CCNI: variants seen among roughly 807,000 people sequenced by gnomAD.
CCNI encodes the protein cyclin-I.
Under a neutral mutation model 34.1 loss-of-function variants are expected in CCNI, and 14 were observed. That is an observed-to-expected ratio of 0.41 (90% CI 0.27 to 0.64). The LOEUF (loss-of-function observed/expected upper bound fraction) is 0.64. CCNI is among the 30% of genes least tolerant of loss of function. The pLI is 0.31. For missense variants in CCNI, 385 were observed against 440.5 expected (o/e 0.87, Z 1.13); for synonymous variants, 154 against 158.4 (o/e 0.97, Z 0.21).
intron 3 of CCNI, chr4:77,056,558 T>C: frequency 4.2e-6 from 2 of 473,676 alleles, no homozygotes; most frequent in Non-Finnish European, 7.6e-6. Context: ...GAAAGTACAC[T>C]TGCAAGATCA....
At chr4:77,062,416 T>G (rs766717138) in intron 2 of CCNI, among the ~76,000 whole-genome samples, 1 of 152,104 alleles carries the variant, frequency 6.6e-6, no homozygotes, top group Non-Finnish European at 1.5e-5. Flanking sequence ...ATAAAAAAAT[T>G]AGGCATGGTG....
chr4:77,075,324 G>A (rs1729828223), intron 1 of CCNI, 148 bp downstream of exon 1: 1 of 165,586 alleles, frequency 6.0e-6, no homozygotes, highest in South Asian at 2.0e-4. Context: ...TCCCCGGGCT[G>A]GGGGATGCGG....
intron 2 of CCNI, among the ~76,000 whole-genome samples, chr4:77,065,667 A>C (rs1384066590): frequency 6.6e-6 from 1 of 152,258 alleles, no homozygotes; most frequent in Non-Finnish European, 1.5e-5. Context: ...TACTACTGTT[A>C]GTATAGATTA....
At chr4:77,058,420 A>G in intron 3 of CCNI, 87 bp downstream of exon 3, 1 of 1,040,666 alleles carries the variant, frequency 9.6e-7, no homozygotes, top group Non-Finnish European at 1.4e-6. Flanking sequence ...ACTTCTTTCT[A>G]CCTTACAGAA....
chr4:77,074,650 A>C (rs148892392), intron 1 of CCNI: 2 of 152,234 alleles, frequency 1.3e-5, no homozygotes, highest in Non-Finnish European at 2.9e-5. Context: ...AATGCCTGGC[A>C]GATAATAAGC....
chr4:77,048,292 C>T lies in CCNI; in HGVS notation c.1061G>A (p.Cys354Tyr). Residue 354 changes from cysteine (C) to tyrosine (Y), a missense_variant, in exon 7 of 7, where the codon TGT (cysteine) becomes TAT (tyrosine). Around this residue, in one of 2 missense-constraint regions of CCNI, gnomAD observed 250 missense variants for 248.7 expected, o/e 1.01. Transcript: ENST00000237654. ...DNVSENVGSVCGTDLSRQEGH... is the reference protein window; with the variant it reads ...DNVSENVGSVYGTDLSRQEGH... ...CTCTTGTCTTGATAAATCAGTGCCACACACAGAACCCACATTTTCTGAGAC... is the reference window on the plus strand; with the variant it reads ...CTCTTGTCTTGATAAATCAGTGCCATACACAGAACCCACATTTTCTGAGAC... 1 of 1,614,150 alleles carries T rather than the reference C, an allele frequency of 6.2e-7. No individual in the cohort carries two copies. The highest frequency in any genetic ancestry group is 8.5e-7 in the Non-Finnish European group (1 of 1,180,018).
chr4:77,047,589 A>C lies in CCNI; in HGVS notation c.*630T>G, dbSNP rs1467261315. The C allele has an allele frequency of 6.6e-6, 1 of 152,272 alleles. No homozygotes were observed. Among genetic ancestry groups the C allele is most frequent in the Admixed American group, 6.5e-5 (1 of 15,288 alleles). The allele number at this position is 152,272 out of a possible 1,614,324, so 9.4% of individuals were successfully genotyped here. A position where few individuals can be genotyped will look rare whatever the true frequency, so the allele number is the denominator to read the frequency against. ...CACTTTTAAGCATCACTTTAAGGTA[A>C]ACAAAAATGAAAACCATAATTTTAA... On this transcript the variant is annotated 3_prime_UTR_variant, in exon 7 of 7. Coordinates refer to ENST00000237654, the MANE Select transcript of CCNI (RefSeq NM_006835.3).
rs1235285080 is a variant in CCNI, at chr4:77,075,462, C to CGCCCCT, written c.-44+4_-44+9dup. On this transcript the variant is annotated intron_variant, in intron 1 of 6. Coordinates refer to ENST00000237654, the MANE Select transcript of CCNI (RefSeq NM_006835.3). ...CGCGTCGAGCCCCCGCCCCCGCCCC[C>CGCCCCT]GCCCCTCACCTTCTCCTCCTCTTCC... 35 of 814,196 alleles carry CGCCCCT rather than the reference C, an allele frequency of 4.3e-5. No individual in the cohort carries two copies. In the African/African-American group the frequency reaches 4.9e-4, roughly 11 times the overall value. 50.4% of individuals were successfully genotyped at this position (814,196 alleles called of 1,614,324 possible).
chr4:77,066,938 A>G (rs1729072901), intron 1 of CCNI, among the ~76,000 whole-genome samples: 1 of 152,216 alleles, frequency 6.6e-6, no homozygotes, highest in African/African-American at 2.4e-5. Flanking sequence ...TGAGCTGAAT[A>G]AAATTTAAAA....
intron 6 of CCNI, among the ~76,000 whole-genome samples, chr4:77,054,257 T>C (rs1327855267): frequency 5.3e-5 from 8 of 152,228 alleles, no homozygotes; most frequent in Admixed American, 5.2e-4. Context: ...GCTCAATAAC[T>C]GCAGTTCTTT....
intron 1 of CCNI, among the ~76,000 whole-genome samples, chr4:77,069,153 C>T (rs1033616727): frequency 5.9e-5 from 9 of 152,168 alleles, no homozygotes; most frequent in South Asian, 2.1e-4. Context: ...GCAGCGGCTC[C>T]GGCCTGTAAT....
chr4:77,056,412 A>G (rs1411205723), intron 3 of CCNI, 89 bp from the exon 4 acceptor site: 4 of 868,814 alleles, frequency 4.6e-6, no homozygotes, highest in Admixed American at 1.9e-5. Context: ...CTAGATATGC[A>G]GATGAGACAG....
At chr4:77,061,170 A>C (rs1277935988) in intron 2 of CCNI, among the ~76,000 whole-genome samples, 3 of 152,218 alleles carry the variant, frequency 2.0e-5, no homozygotes, top group Admixed American at 6.5e-5. Context: ...TCCAAAAGAT[A>C]ACAGTTTAAG....
intron 2 of CCNI, among the ~76,000 whole-genome samples, chr4:77,061,352 G>C (rs1560777392): frequency 6.6e-6 from 1 of 152,080 alleles, no homozygotes; most frequent in Non-Finnish European, 1.5e-5. Context: ...AAAAGAAAAA[G>C]CCCAAAACAG....
chr4:77,067,595 A>C (rs1215659897), intron 1 of CCNI, among the ~76,000 whole-genome samples: 4 of 151,182 alleles, frequency 2.6e-5, no homozygotes, highest in Admixed American at 2.6e-4. Flanking sequence ...GGTTCAGGTG[A>C]TCCTCCTGCC....
chr4:77,048,264 T>C lies in CCNI; in HGVS notation c.1089A>G (p.Gly363=). 7 of 1,614,120 alleles carry C rather than the reference T, an allele frequency of 4.3e-6. No homozygotes were observed. Among genetic ancestry groups the C allele is most frequent in the Non-Finnish European group, 5.9e-6 (7 of 1,180,006 alleles). ...VCGTDLSRQE[G]HASPCPPLQP... Reference sequence around the variant, plus strand: ...GCAAAGGTGGACAAGGGGAAGCATGTCCCTCTTGTCTTGATAAATCAGTGC... The same window carrying C: ...GCAAAGGTGGACAAGGGGAAGCATGCCCCTCTTGTCTTGATAAATCAGTGC... Residue 363 remains glycine, a synonymous_variant, in exon 7 of 7, where the codon GGA becomes GGG. Transcript: ENST00000237654.
At chr4:77,072,297 G>A (rs1260118426) in intron 1 of CCNI, among the ~76,000 whole-genome samples, 2 of 151,548 alleles carry the variant, frequency 1.3e-5, no homozygotes, top group African/African-American at 2.4e-5. Context: ...AAAGTAAAAC[G>A]AGGTAAAATT....
rs1728400473 is a variant in CCNI at position 77,058,647 on chromosome 4, C to T, written c.115-12G>A. On this transcript the variant is annotated splice_polypyrimidine_tract_variant and intron_variant, in intron 2 of 6. Transcript: ENST00000237654. The stretch of plus-strand genomic sequence containing the variant: ...GATGGAGAAACATTCTATAAGGGAA[C>T]AATTTTGAAAACAGAAGACAAAGTT... 1 of 1,607,112 alleles carries T rather than the reference C, an allele frequency of 6.2e-7. No homozygotes were observed. The highest frequency in any genetic ancestry group is 1.7e-4 in the Middle Eastern group (1 of 6,040).
Position 77,075,613 on chromosome 4 carries a change from T to G in CCNI, c.-185A>C. On this transcript the variant is annotated 5_prime_UTR_variant, in exon 1 of 7. Coordinates refer to ENST00000237654, the MANE Select transcript of CCNI (RefSeq NM_006835.3). ...GTGCGCGCGGGACGACTCGGCCAAC[T>G]GAGGAGGGAGAAAGGGGAAGCGGAT... 1 of 976,966 alleles carries G rather than the reference T, an allele frequency of 1.0e-6. No homozygotes were observed. Among genetic ancestry groups the G allele is most frequent in the Non-Finnish European group, 1.2e-6 (1 of 820,686 alleles). 60.5% of individuals were successfully genotyped at this position (976,966 alleles called of 1,614,324 possible).
Sources: allele counts gnomAD v4.1 joint callset (sites outside exome capture counted in the v4.1 genomes callset), GRCh38; gene constraint gnomAD v4.1.1; regional missense constraint gnomAD v4.1.1; transcripts MANE v1.5; gene names NCBI Gene and HGNC (gene_info 2026-07-23, HGNC 2026-07-21).